RIMS2: variants seen among roughly 807,000 people sequenced by gnomAD.
RIMS2 encodes regulating synaptic membrane exocytosis protein 2.
A neutral mutation model predicts 174.4 loss-of-function variants in RIMS2; 59 were observed. The observed-to-expected ratio is 0.34, with a 90% CI of 0.27 to 0.42. The LOEUF (loss-of-function observed/expected upper bound fraction) is 0.42, where lower values mean the gene tolerates loss of function less well. RIMS2 is among the 10% of genes least tolerant of loss of function. The pLI is 1.00. For missense variants in RIMS2, 1,620 were observed against 1,666.3 expected, an observed-to-expected ratio of 0.97 and a Z score of 0.48; for synonymous variants, 606 against 572.5, an observed-to-expected ratio of 1.06 and a Z score of -0.84.
At chr8:103,834,326 C>CTT (rs2098844387) in intron 3 of RIMS2, among the ~76,000 whole-genome samples, 1 of 118,994 alleles carries the variant, frequency 8.4e-6, no homozygotes, top group Non-Finnish European at 1.7e-5. Context: ...TTTCTTTTTT[C>CTT]TTTTTCTTTT....
intron 2 of RIMS2, among the ~76,000 whole-genome samples, chr8:103,741,663 C>T (rs2097762886): frequency 1.3e-5 from 2 of 152,040 alleles, no homozygotes; most frequent in Admixed American, 1.3e-4. Flanking sequence ...AGTCAATATA[C>T]TAAAAAGGAT....
At chr8:104,156,229 G>T (rs926930940) in intron 19 of RIMS2, among the ~76,000 whole-genome samples, 2 of 152,174 alleles carry the variant, frequency 1.3e-5, no homozygotes, top group African/African-American at 4.8e-5. Context: ...CAGGGCTCAA[G>T]ACTTTTTTCA....
intron 1 of RIMS2, among the ~76,000 whole-genome samples, chr8:103,666,821 G>C (rs1324496730): frequency 6.6e-6 from 1 of 152,024 alleles, no homozygotes; most frequent in Non-Finnish European, 1.5e-5. Context: ...GCAAAGCTTA[G>C]GGCATTAGCA....
intron 1 of RIMS2, among the ~76,000 whole-genome samples, chr8:103,692,966 T>G (rs564750358): frequency 8.5e-4 from 129 of 152,304 alleles, no homozygotes; most frequent in African/African-American, 3.0e-3. Context: ...TTGTGGTCCT[T>G]GTGGTCTGGA....
At chr8:104,103,559 T>C (rs1459494918) in intron 19 of RIMS2, among the ~76,000 whole-genome samples, 2 of 152,162 alleles carry the variant, frequency 1.3e-5, no homozygotes, top group Non-Finnish European at 2.9e-5. Flanking sequence ...TAATACTCCT[T>C]CTGAGCCACC....
At chr8:103,723,501 C>T (rs992111041) in intron 2 of RIMS2, among the ~76,000 whole-genome samples, 4 of 152,166 alleles carry the variant, frequency 2.6e-5, no homozygotes, top group Non-Finnish European at 5.9e-5. Context: ...ACTCTTGTGC[C>T]CACAGGGGCT....
chr8:103,612,672 G>C (rs1265187790), intron 1 of RIMS2, among the ~76,000 whole-genome samples: 1 of 152,164 alleles, frequency 6.6e-6, no homozygotes, highest in Non-Finnish European at 1.5e-5. Context: ...TCCGCCTACT[G>C]GGTTCAAGCA....
chr8:103,853,073 G>GT (rs1342540297), intron 3 of RIMS2, among the ~76,000 whole-genome samples: 11 of 151,394 alleles, frequency 7.3e-5, no homozygotes, highest in African/African-American at 1.9e-4. Context: ...AAAATCTGGG[G>GT]TTTTTTTTGT....
At chr8:104,228,331 C>A (rs1183346662) in intron 19 of RIMS2, among the ~76,000 whole-genome samples, 2 of 152,022 alleles carry the variant, frequency 1.3e-5, no homozygotes, top group African/African-American at 4.8e-5. Flanking sequence ...CCCGGCCTAG[C>A]TTCACTCTTT....
At chr8:104,043,977 T>A (rs1419986656) in intron 19 of RIMS2, among the ~76,000 whole-genome samples, 1 of 151,562 alleles carries the variant, frequency 6.6e-6, no homozygotes, top group Non-Finnish European at 1.5e-5. Flanking sequence ...AGTAAACATG[T>A]GGAAGGAGCA....
chr8:104,011,161 C>G (rs1441271679), intron 17 of RIMS2, among the ~76,000 whole-genome samples: 2 of 152,108 alleles, frequency 1.3e-5, no homozygotes, highest in African/African-American at 4.8e-5. Flanking sequence ...TGTGTCTAAG[C>G]TAGTCAGACC....
rs568225112 is a variant in RIMS2 at position 104,139,346 on chromosome 8, C to T, written c.3335-105570C>T. ...CAGATTACATTGAATCTGTAGATTGCTTTGGGTAGTATGGACATTTTAACA... is the reference window on the plus strand; with the variant it reads ...CAGATTACATTGAATCTGTAGATTGTTTTGGGTAGTATGGACATTTTAACA... On this transcript the variant is annotated intron_variant, in intron 19 of 23. Transcript: ENST00000504942. Among the ~76,000 whole-genome samples, 365 of 152,154 alleles carry T rather than the reference C, an allele frequency of 2.4e-3. 2 individuals carry two copies. Among genetic ancestry groups the T allele is most frequent in the African/African-American group, 7.8e-3 (324 of 41,510 alleles).
chr8:104,177,254 T>C (rs561726294), intron 19 of RIMS2, among the ~76,000 whole-genome samples: 1 of 152,170 alleles, frequency 6.6e-6, no homozygotes, highest in Non-Finnish European at 1.5e-5. Flanking sequence ...ATATTAATTA[T>C]GAAATAAAGA....
Position 104,015,324 on chromosome 8 carries a change from T to C in RIMS2, c.3334+709T>C, listed in dbSNP as rs539178469. The C allele has an allele frequency of 2.5e-4, 149 of 598,514 alleles. 1 individual carries two copies. Among genetic ancestry groups the C allele is most frequent in the South Asian group, 9.4e-4 (45 of 47,734 alleles). 37.1% of individuals were successfully genotyped at this position (598,514 alleles called of 1,614,324 possible). A position where few individuals can be genotyped will look rare whatever the true frequency, so the allele number is the denominator to read the frequency against. ...TTTCTCTAGTAGATAATACATTCTG[T>C]GCTTTTGGAAATTTCTGTTGTTTTT... On this transcript the variant is annotated intron_variant, in intron 19 of 23. Transcript: ENST00000504942.
chr8:103,693,263 G>A (rs934150868), intron 1 of RIMS2, among the ~76,000 whole-genome samples: 16 of 152,146 alleles, frequency 1.1e-4, no homozygotes, highest in Admixed American at 2.6e-4. Context: ...GATAGGTGAA[G>A]GAGGGATAGC....
intron 3 of RIMS2, among the ~76,000 whole-genome samples, chr8:103,801,516 C>CT (rs1476482298): frequency 3.9e-5 from 6 of 152,044 alleles, no homozygotes; most frequent in Non-Finnish European, 8.8e-5. Flanking sequence ...TCAACATAAC[C>CT]TTTTTCATGT....
intron 19 of RIMS2, among the ~76,000 whole-genome samples, chr8:104,232,510 T>C (rs1204776452): frequency 6.6e-6 from 1 of 152,188 alleles, no homozygotes; most frequent in East Asian, 1.9e-4. Flanking sequence ...CCTGGATAGG[T>C]CATAGAATCT....
At chr8:103,880,073 T>A (rs1308689354) in intron 3 of RIMS2, among the ~76,000 whole-genome samples, 1 of 151,630 alleles carries the variant, frequency 6.6e-6, no homozygotes, top group African/African-American at 2.4e-5. Context: ...ACATTGCCTT[T>A]TTACTGAAGA....
At chr8:103,676,212 G>T (rs2096808528) in intron 1 of RIMS2, among the ~76,000 whole-genome samples, 1 of 126,386 alleles carries the variant, frequency 7.9e-6, no homozygotes. Flanking sequence ...TTTCCTTATA[G>T]ATGTAAACTT....
Sources: allele counts gnomAD v4.1 joint callset (sites outside exome capture counted in the v4.1 genomes callset), GRCh38; gene constraint gnomAD v4.1.1; transcripts MANE v1.5; gene names NCBI Gene and HGNC (gene_info 2026-07-23, HGNC 2026-07-21).